Variants in RNF180 observed in about 807,000 individuals in gnomAD.
RNF180 encodes E3 ubiquitin-protein ligase RNF180.
In RNF180, 38 loss-of-function variants were observed where a neutral mutation model predicts 59.2. The ratio of observed to expected loss-of-function variants is 0.64; its 90% confidence interval spans 0.50 to 0.84. RNF180 has a LOEUF of 0.84. Among genes scored for constraint, RNF180 ranks in the 40% least tolerant of loss-of-function variants. RNF180 has a pLI of 0.00. For missense variants in RNF180, 705 were observed against 700.9 expected, an observed-to-expected ratio of 1.01 and a Z score of -0.07; for synonymous variants, 262 against 240.3, an observed-to-expected ratio of 1.09 and a Z score of -0.84.
chr5:64,283,434 C>A (rs191877854), intron 5 of RNF180, among the ~76,000 whole-genome samples: 27 of 152,122 alleles, frequency 1.8e-4, no homozygotes, highest in Admixed American at 4.6e-4. Flanking sequence ...TAGTTTGTCA[C>A]TCTGTGCCTT....
intron 5 of RNF180, among the ~76,000 whole-genome samples, chr5:64,290,737 C>T (rs947905800): frequency 6.6e-6 from 1 of 152,146 alleles, no homozygotes; most frequent in African/African-American, 2.4e-5. Flanking sequence ...GTAAAATTTC[C>T]TCCATCCCTT....
intron 5 of RNF180, among the ~76,000 whole-genome samples, chr5:64,310,098 C>A (rs1457390732): frequency 6.6e-6 from 1 of 151,606 alleles, no homozygotes; most frequent in African/African-American, 2.4e-5. Flanking sequence ...AAAAAACTTA[C>A]AAGAAAACCA....
intron 1 of RNF180, among the ~76,000 whole-genome samples, chr5:64,189,620 G>T (rs569396956): frequency 6.6e-6 from 1 of 152,128 alleles, no homozygotes; most frequent in South Asian, 2.1e-4. Flanking sequence ...TCTCCTTACC[G>T]CTTACAGTCA....
At chr5:64,199,290 C>T (rs1428213555) in intron 1 of RNF180, among the ~76,000 whole-genome samples, 1 of 152,158 alleles carries the variant, frequency 6.6e-6, no homozygotes, top group Non-Finnish European at 1.5e-5. Context: ...TTAAGTCCTA[C>T]CTTTAAAGTT....
chr5:64,205,642 A>G (rs1274407622), intron 2 of RNF180, among the ~76,000 whole-genome samples: 1 of 152,154 alleles, frequency 6.6e-6, no homozygotes, highest in African/African-American at 2.4e-5. Context: ...CTGAACTAAA[A>G]CTGTGGATCA....
intron 7 of RNF180, among the ~76,000 whole-genome samples, chr5:64,349,864 TC>T (rs1289799463): frequency 7.8e-4 from 119 of 152,294 alleles, no homozygotes; most frequent in African/African-American, 2.8e-3. Context: ...TGGTTCCAAG[TC>T]TTTGCTATTG....
intron 5 of RNF180, among the ~76,000 whole-genome samples, chr5:64,311,181 C>A (rs147196462): frequency 9.5e-4 from 144 of 152,026 alleles, no homozygotes; most frequent in African/African-American, 3.3e-3. Flanking sequence ...GACACCCCAT[C>A]TCTACCAAAC....
intron 5 of RNF180, among the ~76,000 whole-genome samples, chr5:64,225,935 G>T (rs573699632): frequency 1.5e-5 from 2 of 134,744 alleles, no homozygotes; most frequent in South Asian, 5.0e-4. Flanking sequence ...AGTGAGGAGC[G>T]CCTCTGCCCG....
chr5:64,244,865 A>G (rs1351463249), intron 5 of RNF180, among the ~76,000 whole-genome samples: 1 of 152,238 alleles, frequency 6.6e-6, no homozygotes, highest in Non-Finnish European at 1.5e-5. Context: ...CACAAAGGGA[A>G]GCCCATGAGA....
intron 5 of RNF180, among the ~76,000 whole-genome samples, chr5:64,237,418 A>G (rs1366267923): frequency 2.0e-5 from 3 of 152,130 alleles, no homozygotes; most frequent in Admixed American, 6.5e-5. Context: ...CATTTACCCA[A>G]TGTTGTACCC....
At chr5:64,332,037 G>A (rs566986393) in intron 7 of RNF180, among the ~76,000 whole-genome samples, 7 of 152,280 alleles carry the variant, frequency 4.6e-5, no homozygotes, top group Non-Finnish European at 1.0e-4. Flanking sequence ...GCTGTGCACA[G>A]TGGCTGGACC....
chr5:64,355,771 A>G (rs1745993702), intron 7 of RNF180, among the ~76,000 whole-genome samples: 1 of 151,942 alleles, frequency 6.6e-6, no homozygotes, highest in South Asian at 2.1e-4. Flanking sequence ...TGACAAGTCT[A>G]CTAATGAAGT....
intron 5 of RNF180, among the ~76,000 whole-genome samples, chr5:64,237,864 C>G (rs1742542887): frequency 6.6e-6 from 1 of 152,110 alleles, no homozygotes; most frequent in Non-Finnish European, 1.5e-5. Context: ...ACCCCGCTTT[C>G]ACTCTCCTGC....
In RNF180 at chr5:64,300,326, T is replaced by G. The variant is rs142250597; in HGVS notation, c.1228-24860T>G. Among the ~76,000 whole-genome samples the G allele has an allele frequency of 6.5e-4, 99 of 151,956 alleles. 1 individual carries two copies. Among genetic ancestry groups the G allele is most frequent in the African/African-American group, 2.3e-3 (97 of 41,518 alleles). On this transcript the variant is annotated intron_variant, in intron 5 of 7. Transcript: ENST00000389100. ...GTTAAACCCACAATGCTTAAGTACT[T>G]CCACAGACAGTTCCTGACTTAACGA... is the stretch of plus-strand genomic sequence containing the variant.
At chr5:64,357,503 G>A (rs1691980967) in intron 7 of RNF180, among the ~76,000 whole-genome samples, 1 of 151,826 alleles carries the variant, frequency 6.6e-6, no homozygotes, top group Non-Finnish European at 1.5e-5. Flanking sequence ...TTTCAAATAT[G>A]TTCATATTAA....
chr5:64,266,402 TTATAA>T (rs10591887), intron 5 of RNF180, among the ~76,000 whole-genome samples: 38,214 of 151,856 alleles, frequency 0.25, 4,893 homozygotes, highest in Middle Eastern at 0.33. Flanking sequence ...ACTATAATAG[TTATAA>T]TATACAGGCT....
rs184363857 is a variant in RNF180 at position 64,217,216 on chromosome 5, A to G, written c.1192-145A>G. The stretch of plus-strand genomic sequence containing the variant: ...TTGTTCTTTTTTATTGCTCAGTAGT[A>G]TTCCATTGTATGAATGATCCACAGT... On this transcript the variant is annotated intron_variant, in intron 4 of 7. Transcript: ENST00000389100. 134 of 988,044 alleles carry G rather than the reference A, an allele frequency of 1.4e-4. No individual in the cohort carries two copies. The African/African-American group carries it at 2.1e-3, about 15-fold the overall frequency. 61.2% of individuals were successfully genotyped at this position (988,044 alleles called of 1,614,324 possible).
At chr5:64,331,923 G>A (rs919409157) in intron 7 of RNF180, among the ~76,000 whole-genome samples, 4 of 151,984 alleles carry the variant, frequency 2.6e-5, no homozygotes, top group African/African-American at 4.8e-5. Flanking sequence ...CCTGACTCGG[G>A]TGCCCACAGC....
chr5:64,352,217 T>G (rs1456835958), intron 7 of RNF180, among the ~76,000 whole-genome samples: 1 of 152,244 alleles, frequency 6.6e-6, no homozygotes, highest in East Asian at 1.9e-4. Context: ...TCTCTGATGG[T>G]AGTTTGTATT....
Sources: allele counts gnomAD v4.1 joint callset (sites outside exome capture counted in the v4.1 genomes callset), GRCh38; gene constraint gnomAD v4.1.1; transcripts MANE v1.5; gene names NCBI Gene and HGNC (gene_info 2026-07-23, HGNC 2026-07-21).